FSTL1: variants seen among roughly 807,000 people sequenced by gnomAD.
The protein encoded by FSTL1 is follistatin-related protein 1.
In FSTL1, 24 loss-of-function variants were observed where a neutral mutation model predicts 45.9. The ratio of observed to expected loss-of-function variants is 0.52; its 90% CI spans 0.38 to 0.74. The LOEUF is 0.74. Ranked by LOEUF, FSTL1 falls within the 30% of genes least tolerant of loss-of-function variation. The probability of loss-of-function intolerance (pLI) is 0.00; values close to 1 mark genes in which losing one functional copy is unlikely to be tolerated. For synonymous variants in FSTL1, 120 were observed against 137.6 expected, an observed-to-expected ratio of 0.87 and a Z score of 0.89; for missense variants, 340 against 381.8, an observed-to-expected ratio of 0.89 and a Z score of 0.91.
At chr3:120,421,066 C>G (rs1297332050) in intron 2 of FSTL1, 2 of 152,096 alleles carry the variant, frequency 1.3e-5, no homozygotes, top group Non-Finnish European at 2.9e-5. Flanking sequence ...AGAATTAAGT[C>G]TGAACATAAA....
intron 5 of FSTL1, chr3:120,410,396 G>C (rs1039698583): frequency 2.7e-4 from 53 of 195,088 alleles, no homozygotes; most frequent in African/African-American, 9.9e-4. Flanking sequence ...CTAGCTGTGT[G>C]ATATAGAAAA....
intron 2 of FSTL1, among the ~76,000 whole-genome samples, chr3:120,420,858 G>C (rs895854484): frequency 7.2e-5 from 11 of 152,216 alleles, no homozygotes; most frequent in Non-Finnish European, 4.4e-5. Context: ...TAGGTCTCCA[G>C]ACTTTAATCC....
At chr3:120,416,959 C>T (rs1210910598) in intron 2 of FSTL1, among the ~76,000 whole-genome samples, 1 of 152,264 alleles carries the variant, frequency 6.6e-6, no homozygotes, top group Non-Finnish European at 1.5e-5. Flanking sequence ...AAAGCCAGCC[C>T]CACCTCATTC....
chr3:120,428,179 C>A (rs2107664672), intron 2 of FSTL1, among the ~76,000 whole-genome samples: 1 of 152,326 alleles, frequency 6.6e-6, no homozygotes, highest in East Asian at 1.9e-4. Flanking sequence ...TCCCCTCTGT[C>A]TCATCCACTA....
chr3:120,437,046 C>T (rs1405136279), intron 2 of FSTL1, among the ~76,000 whole-genome samples: 1 of 152,104 alleles, frequency 6.6e-6, no homozygotes, highest in African/African-American at 2.4e-5. Context: ...AGTGTTTAGC[C>T]TCTCTGATAG....
intron 3 of FSTL1, 28 bp from the exon 4 acceptor site, chr3:120,412,011 G>T: frequency 6.3e-7 from 1 of 1,597,898 alleles, no homozygotes; most frequent in South Asian, 1.1e-5. Flanking sequence ...GAGAATGTTT[G>T]TGCAGTTATG....
chr3:120,403,483 C>G (rs1430626234), intron 7 of FSTL1, 129 bp from the exon 8 acceptor site: 21 of 623,502 alleles, frequency 3.4e-5, no homozygotes, highest in Non-Finnish European at 5.8e-5. Context: ...CTAACTAAAA[C>G]AGCCTCTCTC....
rs1576232330 is a variant in FSTL1 at position 120,450,961 on chromosome 3, G to A, written c.-65C>T. On this transcript the variant is annotated 5_prime_UTR_variant, in exon 1 of 11. Transcript: ENST00000295633. The stretch of plus-strand genomic sequence containing the variant: ...CGGCGGCAGCGAGCTGTAAGCGGAG[G>A]TGGGAGCTCCGCCGATCGCCAGCCT... 3 of 465,376 alleles carry A rather than the reference G, an allele frequency of 6.4e-6. No individual in the cohort carries two copies. Among genetic ancestry groups the A allele is most frequent in the Admixed American group, 4.4e-5 (1 of 22,946 alleles). The allele number at this position is 465,376 out of a possible 1,614,324, so 28.8% of individuals were successfully genotyped here.
intron 10 of FSTL1, among the ~76,000 whole-genome samples, chr3:120,398,105 A>G (rs977791958): frequency 6.6e-6 from 1 of 152,176 alleles, no homozygotes; most frequent in African/African-American, 2.4e-5. Context: ...ATGAGAATGG[A>G]GGGTTACTTC....
intron 2 of FSTL1, among the ~76,000 whole-genome samples, chr3:120,434,572 G>GATGGT (rs1456918714): frequency 6.6e-6 from 1 of 152,114 alleles, no homozygotes; most frequent in Non-Finnish European, 1.5e-5. Context: ...AAATGTTTGG[G>GATGGT]AAACATTACT....
rs1037059230 is a variant in FSTL1, at chr3:120,395,057, C to T, written c.*1895G>A. The T allele has an allele frequency of 3.9e-5, 6 of 153,120 alleles. No homozygotes were observed. In the Admixed American group the frequency reaches 3.9e-4, roughly 10 times the overall value. The allele number at this position is 153,120 out of a possible 1,614,324, so 9.5% of individuals were successfully genotyped here. ...CTTGGACAGGGAGCTGCATTTCAGA[C>T]TGAACAAGTGGAGTTTGAAGAGTTT... On this transcript the variant is annotated 3_prime_UTR_variant, in exon 11 of 11. Coordinates refer to ENST00000295633, the MANE Select transcript of FSTL1 (RefSeq NM_007085.5).
chr3:120,448,889 C>T (rs1470157911), intron 2 of FSTL1, among the ~76,000 whole-genome samples: 3 of 152,172 alleles, frequency 2.0e-5, no homozygotes, highest in Admixed American at 6.5e-5. Context: ...CCAACAGCCT[C>T]CTCACACCTC....
chr3:120,433,226 C>G (rs1322891992), intron 2 of FSTL1, among the ~76,000 whole-genome samples: 1 of 152,200 alleles, frequency 6.6e-6, no homozygotes, highest in Non-Finnish European at 1.5e-5. Flanking sequence ...TACTATTCAG[C>G]TAGCCTCTGC....
At chr3:120,412,834 G>GCA (rs1314293203) in intron 3 of FSTL1, among the ~76,000 whole-genome samples, 46 of 77,540 alleles carry the variant, frequency 5.9e-4, no homozygotes, top group Admixed American at 4.1e-3. Flanking sequence ...GCGCGCGCGC[G>GCA]CGCGCACACA....
At chr3:120,411,053 G>T (rs1302667642) in intron 4 of FSTL1, 69 bp from the exon 5 acceptor site, 6 of 1,054,620 alleles carry the variant, frequency 5.7e-6, no homozygotes, top group Non-Finnish European at 5.7e-6. Context: ...TGTATTTCTA[G>T]GATTACAGCT....
At chr3:120,400,821 C>G (rs1050641374) in intron 9 of FSTL1, among the ~76,000 whole-genome samples, 2 of 152,208 alleles carry the variant, frequency 1.3e-5, no homozygotes, top group African/African-American at 4.8e-5. Flanking sequence ...CTTAGATCCA[C>G]GGCCTACACA....
chr3:120,434,371 C>A (rs1354195525), intron 2 of FSTL1, among the ~76,000 whole-genome samples: 1 of 152,186 alleles, frequency 6.6e-6, no homozygotes, highest in Non-Finnish European at 1.5e-5. Flanking sequence ...CCAAGAGGAT[C>A]TTCTCTGAGA....
chr3:120,397,054 A>G (rs761699245), intron 10 of FSTL1, 58 bp from the exon 11 acceptor site: 3 of 1,338,318 alleles, frequency 2.2e-6, no homozygotes, highest in Non-Finnish European at 3.2e-6. Context: ...GTTGGAATTT[A>G]TCTGTTCCTC....
At chr3:120,436,673 T>C (rs534243160) in intron 2 of FSTL1, among the ~76,000 whole-genome samples, 5 of 152,152 alleles carry the variant, frequency 3.3e-5, no homozygotes, top group Non-Finnish European at 5.9e-5. Flanking sequence ...GAGGGAAAAC[T>C]AGAGGAAGGG....
Sources: allele counts gnomAD v4.1 joint callset (sites outside exome capture counted in the v4.1 genomes callset), GRCh38; gene constraint gnomAD v4.1.1; transcripts MANE v1.5; gene names NCBI Gene and HGNC (gene_info 2026-07-23, HGNC 2026-07-21).